Variants in PSORS1C1 observed in about 807,000 individuals in gnomAD.
The protein encoded by PSORS1C1 is psoriasis susceptibility 1 candidate gene 1 protein.
A neutral mutation model predicts 9.4 loss-of-function variants in PSORS1C1; 7 were observed. The observed-to-expected ratio is 0.75, with a 90% CI of 0.42 to 1.40. PSORS1C1 has a LOEUF of 1.40. Among genes scored for constraint, PSORS1C1 ranks in the 40% most tolerant of loss-of-function variants. PSORS1C1 has a pLI of 0.01. For missense variants in PSORS1C1, 146 were observed against 178.1 expected, an observed-to-expected ratio of 0.82 and a Z score of 1.02; for synonymous variants, 63 against 69.4, an observed-to-expected ratio of 0.91 and a Z score of 0.46.
intron 1 of PSORS1C1, among the ~76,000 whole-genome samples, chr6:31,124,845 G>A (rs144997342): frequency 3.6e-4 from 55 of 152,322 alleles, no homozygotes; most frequent in East Asian, 1.7e-3. Flanking sequence ...GCAGGCACCT[G>A]TAATCCCAGC....
rs1287147619 is a variant in PSORS1C1, at chr6:31,139,263, C to G, written c.168-378C>G. 1 of 585,528 alleles carries G rather than the reference C, an allele frequency of 1.7e-6. No individual in the cohort carries two copies. Among genetic ancestry groups the G allele is most frequent in the Non-Finnish European group, 3.0e-6 (1 of 329,172 alleles). The allele number at this position is 585,528 out of a possible 1,614,324, so 36.3% of individuals were successfully genotyped here. A position where few individuals can be genotyped will look rare whatever the true frequency, so the allele number is the denominator to read the frequency against. On this transcript the variant is annotated intron_variant, in intron 5 of 5. Coordinates refer to ENST00000259881, the MANE Select transcript of PSORS1C1 (RefSeq NM_014068.3). The surrounding 1 kb of genome is among the most constrained non-coding windows in gnomAD (Gnocchi z 5.2). ...AGCTGCCTGCTCTCCCTATCATGACCCAGAGCCTGCGTCACCCCACCCTGG... is the reference window on the plus strand; with the variant it reads ...AGCTGCCTGCTCTCCCTATCATGACGCAGAGCCTGCGTCACCCCACCCTGG...
Position 31,139,495 on chromosome 6 carries a change from A to G in PSORS1C1, c.168-146A>G. ...GGAGGAGGTGCTTTTCAAACCTGGG[A>G]TGCAGCTGGGACAGTGTCAGCTACT... On this transcript the variant is annotated intron_variant, in intron 5 of 5. Coordinates refer to ENST00000259881, the MANE Select transcript of PSORS1C1 (RefSeq NM_014068.3). The surrounding 1 kb of genome is among the most constrained non-coding windows in gnomAD (Gnocchi z 5.2). 1.4e-6 allele frequency: 1 copy of G among 709,866 alleles called. No individual in the cohort carries two copies. Among genetic ancestry groups the G allele is most frequent in the Non-Finnish European group, 2.3e-6 (1 of 434,386 alleles). 44.0% of individuals were successfully genotyped at this position (709,866 alleles called of 1,614,324 possible). A position where few individuals can be genotyped will look rare whatever the true frequency, so the allele number is the denominator to read the frequency against.
intron 3 of PSORS1C1, among the ~76,000 whole-genome samples, chr6:31,133,314 G>A (rs1408178007): frequency 2.0e-5 from 3 of 152,138 alleles, no homozygotes; most frequent in African/African-American, 7.2e-5. Flanking sequence ...AGTGGTGTAG[G>A]CAGAGGCATC....
At chr6:31,116,158 C>T (rs1251657454) in intron 1 of PSORS1C1, 3 of 1,611,210 alleles carry the variant, frequency 1.9e-6, no homozygotes, top group African/African-American at 2.7e-5. Context: ...GCTGGAGCCA[C>T]AGGGCTTGGC....
At chr6:31,127,210 G>A (rs1772718819) in intron 2 of PSORS1C1, among the ~76,000 whole-genome samples, 1 of 152,146 alleles carries the variant, frequency 6.6e-6, no homozygotes. Context: ...TTCTAGGCTG[G>A]GCTGGCCCTT....
At position 31,117,605 on chromosome 6, in the gene PSORS1C1, C is replaced by A. The variant is rs3094214; in HGVS notation, c.-229+2714C>A. ...CCTCACCTTTCTGCCTTATCTCAGT[C>A]ATCGGCCTCTCGGGTTTCTCCCAAG... On this transcript the variant is annotated intron_variant, in intron 1 of 5. Transcript: ENST00000259881. The A allele has an allele frequency of 0.52, 668,524 of 1,290,812 alleles. 178,217 individuals are homozygous for A. The highest frequency in any genetic ancestry group is 0.68 in the East Asian group (27,038 of 39,624). The allele number at this position is 1,290,812 out of a possible 1,614,324, so 80.0% of individuals were successfully genotyped here. A position where few individuals can be genotyped will look rare whatever the true frequency, so the allele number is the denominator to read the frequency against.
rs3130984 is a variant in PSORS1C1, at chr6:31,117,187, T to C, written c.-229+2296T>C. 0.75 allele frequency: 1,211,360 copies of C among 1,613,786 alleles called. 457,328 individuals carry two copies. Among genetic ancestry groups the C allele is most frequent in the African/African-American group, 0.9 (67,362 of 75,022 alleles). On this transcript the variant is annotated intron_variant, in intron 1 of 5. Coordinates refer to ENST00000259881, the MANE Select transcript of PSORS1C1 (RefSeq NM_014068.3). The stretch of plus-strand genomic sequence containing the variant: ...GCTGCTTCCCGAGTGAGAGCCGCTG[T>C]TTCCCGAGTGAGAGCTGCTGCTCCC...
At position 31,138,410 on chromosome 6, in the gene PSORS1C1, CTG is replaced by C. The variant is rs781730410; in HGVS notation, c.14-19_14-18del. The C allele has an allele frequency of 3.1e-6, 5 of 1,612,506 alleles. No homozygotes were observed. In the South Asian group the frequency reaches 5.5e-5, roughly 18 times the overall value. On this transcript the variant is annotated intron_variant, in intron 3 of 5. Coordinates refer to ENST00000259881, the MANE Select transcript of PSORS1C1 (RefSeq NM_014068.3). Reference sequence around the variant, plus strand: ...AGGAGCCTGTCTGGATGGACGCAGCCTGAACTGACCCACAAACAGACCAAAAA... The same window carrying C: ...AGGAGCCTGTCTGGATGGACGCAGCCAACTGACCCACAAACAGACCAAAAA...
intron 3 of PSORS1C1, chr6:31,137,719 T>C: frequency 2.5e-6 from 1 of 393,144 alleles, no homozygotes; most frequent in South Asian, 1.3e-4. Context: ...GGTAGGAGAG[T>C]AGGCTTAGGC....
chr6:31,138,189 G>A, intron 3 of PSORS1C1: 3 of 1,578,446 alleles, frequency 1.9e-6, no homozygotes, highest in Non-Finnish European at 2.6e-6. Context: ...AAAGAGAGGG[G>A]GTGCCCCTGG....
intron 3 of PSORS1C1, 62 bp from the exon 4 acceptor site, chr6:31,138,367 AG>A: frequency 1.1e-6 from 1 of 907,518 alleles, no homozygotes; most frequent in Non-Finnish European, 1.7e-6. Context: ...AGCCCCACCC[AG>A]CCCCAGCCCC....
intron 2 of PSORS1C1, among the ~76,000 whole-genome samples, chr6:31,126,409 G>A (rs1472127988): frequency 6.6e-6 from 1 of 152,130 alleles, no homozygotes; most frequent in East Asian, 1.9e-4. Flanking sequence ...GCAGCATAAC[G>A]AGTTGCCCCT....
At chr6:31,116,724 C>G in intron 1 of PSORS1C1, 2 of 1,612,886 alleles carry the variant, frequency 1.2e-6, no homozygotes, top group Middle Eastern at 1.6e-4. Flanking sequence ...CACCCACCAC[C>G]TCGTAGCCAC....
At chr6:31,124,118 A>G (rs1282685655) in intron 1 of PSORS1C1, among the ~76,000 whole-genome samples, 1 of 152,218 alleles carries the variant, frequency 6.6e-6, no homozygotes, top group Admixed American at 6.5e-5. Context: ...CCAGGTTAAA[A>G]GAATTTGGAT....
At position 31,117,447 on chromosome 6, in the gene PSORS1C1, G is replaced by GAGGC. The variant is rs606231274; in HGVS notation, c.-229+2560_-229+2563dup. The GAGGC allele has an allele frequency of 9.6e-6, 15 of 1,557,874 alleles. No individual in the cohort carries two copies. The highest frequency in any genetic ancestry group is 1.7e-6 in the Non-Finnish European group (2 of 1,151,026). ...AACCGCTGGAGTCACCCTTCCCAGTGAGGCAGGGGTCGTTAGGGGAGGTGA... is the reference window on the plus strand; with the variant it reads ...AACCGCTGGAGTCACCCTTCCCAGTGAGGCAGGCAGGGGTCGTTAGGGGAGGTGA... On this transcript the variant is annotated intron_variant, in intron 1 of 5. Transcript: ENST00000259881.
chr6:31,138,120 A>C, intron 3 of PSORS1C1: 1 of 1,604,276 alleles, frequency 6.2e-7, no homozygotes, highest in Non-Finnish European at 8.5e-7. Flanking sequence ...AGGGAGCCAG[A>C]CTCCAGTTTC....
intron 3 of PSORS1C1, 171 bp from the exon 4 acceptor site, chr6:31,138,259 G>A (rs993435399): frequency 1.3e-6 from 2 of 1,571,766 alleles, no homozygotes; most frequent in African/African-American, 2.7e-5. Context: ...GCCTCCTCTC[G>A]GTCCTCTGCG....
chr6:31,120,878 C>T (rs1378434920), intron 1 of PSORS1C1, among the ~76,000 whole-genome samples: 1 of 151,856 alleles, frequency 6.6e-6, no homozygotes, highest in African/African-American at 2.4e-5. Flanking sequence ...CTTGGGTGCC[C>T]GCTCCAGCCC....
rs1158359625 is a variant in PSORS1C1 at position 31,138,665 on chromosome 6, C to A, written c.53C>A (p.Thr18Asn). The change falls in exon 5 of 6, where the codon ACC becomes AAC. Residue 18 changes from threonine (T) to asparagine (N), a missense_variant. Coordinates refer to ENST00000259881, the MANE Select transcript of PSORS1C1 (RefSeq NM_014068.3). ...SHSQRALGTQ[T>N]PALQGPQLLN... ...ACACCTTGGCCCCCAGGCACACAGA[C>A]CCCAGCTTTACAAGGACCCCAGCTC... The A allele has an allele frequency of 6.2e-7, 1 of 1,613,158 alleles. No homozygotes were observed. Among genetic ancestry groups the A allele is most frequent in the South Asian group, 1.1e-5 (1 of 91,070 alleles).
Sources: gnomAD v4.1 joint callset for allele counts (sites outside exome capture counted in the v4.1 genomes callset) on GRCh38, gnomAD v4.1.1 for gene constraint, Gnocchi (gnomAD v3.1) non-coding constraint, MANE v1.5 for transcripts, NCBI Gene and HGNC (gene_info 2026-07-23, HGNC 2026-07-21) for gene names.